CCT3: variants seen among roughly 807,000 people sequenced by gnomAD.
CCT3 encodes chaperonin containing TCP1 subunit 3.
A neutral mutation model predicts 65.3 loss-of-function variants in CCT3; 10 were observed. That is an observed-to-expected ratio of 0.15 (90% CI 0.09 to 0.26). The LOEUF (loss-of-function observed/expected upper bound fraction) is 0.26. Ranked by LOEUF, CCT3 falls within the 10% of genes least tolerant of loss-of-function variation. The probability of loss-of-function intolerance (pLI) is 1.00; values close to 1 mark genes in which losing one functional copy is unlikely to be tolerated. For synonymous variants in CCT3, 225 were observed against 242.3 expected (o/e 0.93, Z 0.66); for missense variants, 626 against 708.7 (o/e 0.88, Z 1.33).
chr1:156,310,871 A>G, intron 12 of CCT3, 79 bp downstream of exon 12: 1 of 1,526,202 alleles, frequency 6.6e-7, no homozygotes, highest in Non-Finnish European at 8.9e-7. Flanking sequence ...GAATTTGGAT[A>G]GCCAGATAAG....
At chr1:156,321,612 G>A (rs1246482925) in intron 6 of CCT3, among the ~76,000 whole-genome samples, 2 of 152,152 alleles carry the variant, frequency 1.3e-5, no homozygotes, top group Non-Finnish European at 2.9e-5. Flanking sequence ...GGTGGCTCAC[G>A]CCTGTAATCC....
intron 10 of CCT3, among the ~76,000 whole-genome samples, chr1:156,314,796 G>A (rs1406911089): frequency 7.2e-5 from 11 of 152,116 alleles, no homozygotes; most frequent in African/African-American, 2.4e-4. Flanking sequence ...AGTGCCAGAC[G>A]ATGAGGAAGA....
Position 156,334,915 on chromosome 1 carries a change from T to C in CCT3, c.97A>G (p.Ile33Val). 1.9e-6 allele frequency: 3 copies of C among 1,613,960 alleles called. No individual in the cohort carries two copies. Among genetic ancestry groups the C allele is most frequent in the South Asian group, 1.1e-5 (1 of 91,082 alleles). Residue 33 changes from isoleucine (I) to valine (V), a missense_variant, in exon 3 of 14, where the codon ATT (isoleucine) becomes GTT (valine). Physicochemically the swap from Ile to Val is conservative, Grantham distance 29. Transcript: ENST00000295688. ...AAACATGTTCGGATGATATCTGCAA[T>C]AGTCTAATGGAAAGGGAACATAAAA... Reference protein sequence around the residue: ...QSGNINAAKTIADIIRTCLGP... With the variant: ...QSGNINAAKTVADIIRTCLGP...
chr1:156,315,168 T>C (rs1664259593), intron 10 of CCT3, among the ~76,000 whole-genome samples: 1 of 152,156 alleles, frequency 6.6e-6, no homozygotes, highest in African/African-American at 2.4e-5. Context: ...TTTGATGATC[T>C]ACTTCCACTT....
intron 10 of CCT3, among the ~76,000 whole-genome samples, chr1:156,314,892 T>C (rs1428200630): frequency 6.6e-6 from 1 of 152,222 alleles, no homozygotes; most frequent in Non-Finnish European, 1.5e-5. Flanking sequence ...TGCTTTTGAC[T>C]TCTTTTATGA....
intron 8 of CCT3, among the ~76,000 whole-genome samples, chr1:156,318,380 C>T (rs150040174): frequency 4.6e-5 from 7 of 152,134 alleles, no homozygotes; most frequent in East Asian, 1.9e-4. Context: ...CATGCCACCA[C>T]GCCCAATTAA....
chr1:156,323,858 G>A (rs1244209864), intron 6 of CCT3, among the ~76,000 whole-genome samples: 1 of 152,080 alleles, frequency 6.6e-6, no homozygotes, highest in Non-Finnish European at 1.5e-5. Context: ...CGCCTCCCGG[G>A]TTCAAGTGAT....
chr1:156,309,656 C>T (rs2101624638), intron 13 of CCT3, among the ~76,000 whole-genome samples: 1 of 151,726 alleles, frequency 6.6e-6, no homozygotes, highest in East Asian at 2.0e-4. Flanking sequence ...GAACTCCTGA[C>T]CTCACGTGAT....
In CCT3 at chr1:156,315,810, T is replaced by A. The variant is rs1296250945; in HGVS notation, c.974+1356A>T. On this transcript the variant is annotated intron_variant, in intron 10 of 13. Coordinates refer to ENST00000295688, the MANE Select transcript of CCT3 (RefSeq NM_005998.5). ...AATATACTTTGTGGTTACTAAAATCTGGACAAATTAGTTCTCATGCATATC... is the reference window on the plus strand; with the variant it reads ...AATATACTTTGTGGTTACTAAAATCAGGACAAATTAGTTCTCATGCATATC... Among the ~76,000 whole-genome samples the A allele has an allele frequency of 2.0e-5, 3 of 152,152 alleles. No homozygotes were observed. In the East Asian group the frequency reaches 5.8e-4, roughly 29 times the overall value.
chr1:156,317,476 C>A lies in CCT3; in HGVS notation c.831G>T (p.Gln277His). 6.2e-7 allele frequency: 1 copy of A among 1,614,024 alleles called. No homozygotes were observed. The highest frequency in any genetic ancestry group is 1.1e-5 in the South Asian group (1 of 91,086). ...TCAGTTGGATAATGTCCTCACAGAG[C>A]TGCTGGATGTACTCTTCCTCCATCT... ...ILQMEEEYIQQLCEDIIQLKP... is the reference protein window; with the variant it reads ...ILQMEEEYIQHLCEDIIQLKP... Residue 277 changes from glutamine to histidine, a missense_variant, in exon 9 of 14, where the codon CAG becomes CAT. By Grantham distance (24) the Gln-to-His change is conservative. Coordinates refer to ENST00000295688, the MANE Select transcript of CCT3 (RefSeq NM_005998.5).
chr1:156,317,411 C>T lies in CCT3; in HGVS notation c.892+4G>A. 3.1e-6 allele frequency: 5 copies of T among 1,606,190 alleles called. No individual in the cohort carries two copies. The highest frequency in any genetic ancestry group is 4.3e-6 in the Non-Finnish European group (5 of 1,173,852). ...GTAGGCTGGAAAAAGTAACAAAGTC[C>T]CACCTGAGATGCCCTTTTCAGTGAT... On this transcript the variant is annotated splice_donor_region_variant and intron_variant, in intron 9 of 13. Coordinates refer to ENST00000295688, the MANE Select transcript of CCT3 (RefSeq NM_005998.5).
Position 156,310,967 on chromosome 1 carries a change from G to A in CCT3, c.1384C>T (p.Leu462=). The stretch of plus-strand genomic sequence containing the variant: ...GAACTCACCCGAAGGGAGGTAAGTA[G>A]ACGGATGGTGCTGGCCCCACAGTTC... The part of the protein sequence containing the change: ...IQNCGASTIR[L]LTSLRAKHTQ... The change falls in exon 12 of 14, where the codon CTA becomes TTA. Residue 462 remains leucine, a synonymous_variant. Transcript: ENST00000295688. The A allele has an allele frequency of 6.2e-7, 1 of 1,614,138 alleles. No homozygotes were observed. Among genetic ancestry groups the A allele is most frequent in the South Asian group, 1.1e-5 (1 of 91,080 alleles).
intron 7 of CCT3, among the ~76,000 whole-genome samples, chr1:156,319,855 A>G (rs564263096): frequency 1.2e-3 from 180 of 152,280 alleles, no homozygotes; most frequent in Non-Finnish European, 2.0e-3. Context: ...ACAGGAGAGA[A>G]AGCTTTCTGG....
At chr1:156,336,041 T>C in intron 1 of CCT3, 153 bp from the exon 2 acceptor site, 1 of 532,318 alleles carries the variant, frequency 1.9e-6, no homozygotes. Flanking sequence ...TAAGTGCAGT[T>C]TATTATATGT....
At chr1:156,319,526 C>T (rs774827727) in intron 7 of CCT3, among the ~76,000 whole-genome samples, 1 of 152,092 alleles carries the variant, frequency 6.6e-6, no homozygotes, top group Non-Finnish European at 1.5e-5. Flanking sequence ...TGACACTCAA[C>T]TTGAAGGTCT....
chr1:156,336,894 G>A (rs549853598), intron 1 of CCT3, among the ~76,000 whole-genome samples: 2 of 151,796 alleles, frequency 1.3e-5, no homozygotes, highest in African/African-American at 4.8e-5. Flanking sequence ...GAAAGAAGGC[G>A]GCTTTTTTTT....
chr1:156,318,124 T>G (rs1044667772), intron 8 of CCT3, among the ~76,000 whole-genome samples: 1 of 152,170 alleles, frequency 6.6e-6, no homozygotes, highest in African/African-American at 2.4e-5. Flanking sequence ...ACATCTGTCC[T>G]GGCAGTGTGC....
intron 1 of CCT3, among the ~76,000 whole-genome samples, chr1:156,336,518 C>T (rs1469704222): frequency 6.6e-6 from 1 of 152,136 alleles, no homozygotes; most frequent in Non-Finnish European, 1.5e-5. Flanking sequence ...TATATAGTCA[C>T]CTCATAATTG....
At chr1:156,329,069 C>T (rs1468010351) in intron 5 of CCT3, among the ~76,000 whole-genome samples, 1 of 152,150 alleles carries the variant, frequency 6.6e-6, no homozygotes, top group Non-Finnish European at 1.5e-5. Flanking sequence ...CATATTTTTA[C>T]TGTACCTTTT....
Sources: allele counts gnomAD v4.1 joint callset (sites outside exome capture counted in the v4.1 genomes callset), GRCh38; gene constraint gnomAD v4.1.1; transcripts MANE v1.5; gene names NCBI Gene and HGNC (gene_info 2026-07-23, HGNC 2026-07-21).